Variants in LINGO2 observed in about 807,000 individuals in gnomAD.
The protein encoded by LINGO2 is leucine rich repeat and Ig domain containing 2, also known as leucine-rich repeat and immunoglobulin-like domain-containing nogo receptor-interacting protein 2.
In LINGO2, 14 loss-of-function variants were observed where a neutral mutation model predicts 30.6. That is an observed-to-expected ratio of 0.46 (90% CI 0.30 to 0.72). The LOEUF (loss-of-function observed/expected upper bound fraction) is 0.72, where lower values mean the gene tolerates loss of function less well. Among genes scored for constraint, LINGO2 ranks in the 30% least tolerant of loss-of-function variants. The pLI is 0.07. For synonymous variants in LINGO2, 317 were observed against 288.5 expected, an observed-to-expected ratio of 1.10 and a Z score of -1.00; for missense variants, 729 against 751.7, an observed-to-expected ratio of 0.97 and a Z score of 0.35.
the LINGO2 span, among the ~76,000 whole-genome samples, chr9:28,923,411 A>G: frequency 1.3e-5 from 2 of 152,112 alleles, no homozygotes; most frequent in Non-Finnish European, 2.9e-5. Context: ...AGTAATGTGG[A>G]TTCTCTTACA....
At chr9:28,381,322 G>C (rs1190772296) in intron 2 of LINGO2, among the ~76,000 whole-genome samples, 2 of 152,102 alleles carry the variant, frequency 1.3e-5, no homozygotes, top group African/African-American at 4.8e-5. Context: ...GGGTATTTGG[G>C]TGCCAGTGGC....
intron 1 of LINGO2, among the ~76,000 whole-genome samples, chr9:28,576,882 G>A (rs1824017625): frequency 6.6e-6 from 1 of 152,156 alleles, no homozygotes; most frequent in Non-Finnish European, 1.5e-5. Context: ...AAGATAAGAA[G>A]TGGAGTCCCA....
At chr9:29,129,092 C>A in the LINGO2 span, among the ~76,000 whole-genome samples, 8 of 152,044 alleles carry the variant, frequency 5.3e-5, no homozygotes, top group Non-Finnish European at 8.8e-5. Context: ...ATTAACCCAG[C>A]GAAAACAAAA....
chr9:28,612,777 G>C (rs1402524060), intron 1 of LINGO2, among the ~76,000 whole-genome samples: 1 of 152,124 alleles, frequency 6.6e-6, no homozygotes, highest in Non-Finnish European at 1.5e-5. Context: ...TAAGACTTTA[G>C]GAGACTGTTG....
chr9:28,016,403 G>C (rs1257221708), intron 4 of LINGO2, among the ~76,000 whole-genome samples: 1 of 152,026 alleles, frequency 6.6e-6, no homozygotes, highest in Non-Finnish European at 1.5e-5. Flanking sequence ...CTGAAAGTCT[G>C]ACTTCTGAAA....
intron 4 of LINGO2, among the ~76,000 whole-genome samples, chr9:28,040,958 A>G (rs1824172068): frequency 6.6e-6 from 1 of 152,202 alleles, no homozygotes; most frequent in East Asian, 1.9e-4. Flanking sequence ...GAAGTTATCA[A>G]TTTGGCAGGA....
At chr9:29,196,370 T>A in the LINGO2 span, among the ~76,000 whole-genome samples, 1 of 152,098 alleles carries the variant, frequency 6.6e-6, no homozygotes, top group Non-Finnish European at 1.5e-5. Flanking sequence ...TTTATTACAC[T>A]TTAAAGAAAT....
intron 1 of LINGO2, among the ~76,000 whole-genome samples, chr9:28,650,201 CA>C (rs1828032895): frequency 6.6e-6 from 1 of 152,052 alleles, no homozygotes; most frequent in Admixed American, 6.6e-5. Flanking sequence ...TTACAACTCT[CA>C]AAACAAAACA....
intron 2 of LINGO2, among the ~76,000 whole-genome samples, chr9:28,442,604 A>G (rs1045182913): frequency 1.3e-5 from 2 of 152,092 alleles, no homozygotes; most frequent in African/African-American, 4.8e-5. Context: ...AGGAACATAT[A>G]CTTCCATTAA....
intron 3 of LINGO2, among the ~76,000 whole-genome samples, chr9:28,343,764 T>C (rs900322887): frequency 6.6e-6 from 1 of 152,092 alleles, no homozygotes; most frequent in African/African-American, 2.4e-5. Flanking sequence ...ACCATTTCTA[T>C]AGGACACATA....
the LINGO2 span, among the ~76,000 whole-genome samples, chr9:29,183,588 G>C: frequency 6.6e-6 from 1 of 152,088 alleles, no homozygotes; most frequent in South Asian, 2.1e-4. Context: ...AACTTTTCTC[G>C]GGTTCATTCA....
At chr9:28,668,912 T>C (rs2136037461) in intron 1 of LINGO2, among the ~76,000 whole-genome samples, 1 of 152,186 alleles carries the variant, frequency 6.6e-6, no homozygotes, top group Non-Finnish European at 1.5e-5. Flanking sequence ...AGTTATTATC[T>C]CATCCAAGTT....
chr9:28,367,353 T>A (rs1163927896), intron 3 of LINGO2, among the ~76,000 whole-genome samples: 4 of 152,206 alleles, frequency 2.6e-5, no homozygotes, highest in Non-Finnish European at 5.9e-5. Context: ...TATTTGGTTT[T>A]AAAACACTCC....
intron 4 of LINGO2, among the ~76,000 whole-genome samples, chr9:28,146,041 T>A (rs1438124992): frequency 1.3e-5 from 2 of 152,202 alleles, no homozygotes; most frequent in Admixed American, 1.3e-4. Context: ...AATGATATCA[T>A]AAAGTTCTAC....
At chr9:28,021,976 A>G (rs1823150121) in intron 4 of LINGO2, among the ~76,000 whole-genome samples, 1 of 152,070 alleles carries the variant, frequency 6.6e-6, no homozygotes, top group Non-Finnish European at 1.5e-5. Flanking sequence ...TTAAAGTAAT[A>G]TTGATAAAAC....
At chr9:28,454,947 G>T (rs1824788381) in intron 2 of LINGO2, among the ~76,000 whole-genome samples, 2 of 152,030 alleles carry the variant, frequency 1.3e-5, no homozygotes, top group African/African-American at 4.8e-5. Flanking sequence ...ACACCTCTTA[G>T]CTTCTTTAGC....
chr9:28,049,068 C>A (rs752525492), intron 4 of LINGO2, among the ~76,000 whole-genome samples: 9 of 150,800 alleles, frequency 6.0e-5, no homozygotes, highest in Non-Finnish European at 1.3e-4. Context: ...ACTTTGAATT[C>A]CTCTTCTGTA....
the LINGO2 span, among the ~76,000 whole-genome samples, chr9:28,692,432 G>A: frequency 1.3e-5 from 2 of 152,038 alleles, no homozygotes; most frequent in African/African-American, 4.8e-5. Context: ...CCAAGATCGT[G>A]CCAGTTCACT....
chr9:28,876,172 C>T, the LINGO2 span, among the ~76,000 whole-genome samples: 1 of 152,030 alleles, frequency 6.6e-6, no homozygotes, highest in Non-Finnish European at 1.5e-5. Flanking sequence ...ATTTTTAAGA[C>T]ATTTTCATAT....
Sources: gnomAD v4.1 joint callset for allele counts (sites outside exome capture counted in the v4.1 genomes callset) on GRCh38, gnomAD v4.1.1 for gene constraint, MANE v1.5 for transcripts, NCBI Gene and HGNC (gene_info 2026-07-23, HGNC 2026-07-21) for gene names.